Variants in GALNT1 observed in about 807,000 individuals in gnomAD.
The protein encoded by GALNT1 is polypeptide N-acetylgalactosaminyltransferase 1.
In GALNT1, 17 loss-of-function variants were observed where a neutral mutation model predicts 65.7. That is an observed-to-expected ratio of 0.26 (90% CI 0.18 to 0.39). The LOEUF is 0.39. GALNT1 is among the 10% of genes least tolerant of loss of function. The pLI, the probability that GALNT1 is intolerant of heterozygous loss-of-function variation, is 1.00. For missense variants in GALNT1, 460 were observed against 672.8 expected (o/e 0.68, Z 3.50); for synonymous variants, 210 against 219.7 (o/e 0.96, Z 0.39).
At chr18:35,607,986 AT>A (rs1178999606) in intron 1 of GALNT1, among the ~76,000 whole-genome samples, 1 of 152,108 alleles carries the variant, frequency 6.6e-6, no homozygotes, top group Non-Finnish European at 1.5e-5. Flanking sequence ...TTTGATATAA[AT>A]TTAGGGTAAC....
intron 5 of GALNT1, among the ~76,000 whole-genome samples, chr18:35,685,542 G>A (rs2047855026): frequency 6.6e-6 from 1 of 150,856 alleles, no homozygotes; most frequent in African/African-American, 2.4e-5. Flanking sequence ...AATGTTGGAA[G>A]CATTTTTTAA....
intron 1 of GALNT1, among the ~76,000 whole-genome samples, chr18:35,588,407 G>A (rs1362552684): frequency 1.1e-4 from 16 of 151,970 alleles, no homozygotes; most frequent in Admixed American, 8.5e-4. Context: ...GATACATTTC[G>A]GTGTGGATTC....
intron 9 of GALNT1, among the ~76,000 whole-genome samples, chr18:35,698,130 C>T (rs980582339): frequency 6.6e-6 from 1 of 152,164 alleles, no homozygotes; most frequent in Non-Finnish European, 1.5e-5. Context: ...TCCTATGTGT[C>T]AGCATCTAGA....
intron 9 of GALNT1, among the ~76,000 whole-genome samples, chr18:35,694,694 C>T (rs74425063): frequency 0.02 from 2,993 of 152,344 alleles, 104 homozygotes; most frequent in African/African-American, 0.067. Context: ...TCCGTTCATT[C>T]TGGCCCAGCT....
chr18:35,685,313 A>G (rs1333876929), intron 5 of GALNT1, among the ~76,000 whole-genome samples: 3 of 152,192 alleles, frequency 2.0e-5, no homozygotes, highest in Admixed American at 1.3e-4. Flanking sequence ...TTCGTTTAAT[A>G]CATCCCATTA....
chr18:35,622,800 G>C lies in GALNT1; in HGVS notation c.-103-31760G>C, dbSNP rs139018890. 7.3e-4 allele frequency among the ~76,000 whole-genome samples: 110 copies of C among 151,668 alleles called. 1 individual carries two copies. The East Asian group carries it at 0.016, about 22-fold the overall frequency. The stretch of plus-strand genomic sequence containing the variant: ...GAAGTAATAGAAGACATTTATCTTT[G>C]TCTTTTTCCCAACTTTAACAGTAAG... On this transcript the variant is annotated intron_variant, in intron 1 of 11. Transcript: ENST00000269195.
chr18:35,694,330 A>T (rs893211167), intron 9 of GALNT1, among the ~76,000 whole-genome samples: 4 of 152,212 alleles, frequency 2.6e-5, no homozygotes, highest in Non-Finnish European at 4.4e-5. Flanking sequence ...AACTGTGCTG[A>T]TATGAGCAAC....
At chr18:35,589,813 A>G (rs189695209) in intron 1 of GALNT1, among the ~76,000 whole-genome samples, 3 of 152,360 alleles carry the variant, frequency 2.0e-5, no homozygotes, top group Non-Finnish European at 2.9e-5. Flanking sequence ...TGTTTTCCTA[A>G]TATGTGTAAA....
chr18:35,695,948 A>G (rs550940488), intron 9 of GALNT1, among the ~76,000 whole-genome samples: 19 of 152,122 alleles, frequency 1.2e-4, no homozygotes, highest in African/African-American at 4.3e-4. Context: ...ATGCCTAGGC[A>G]TTGTTAGCTG....
At position 35,710,905 on chromosome 18, in the gene GALNT1, CTTCA is replaced by C. The variant is rs2048342678; in HGVS notation, c.*1138_*1141del. On this transcript the variant is annotated 3_prime_UTR_variant, in exon 12 of 12. Transcript: ENST00000269195. ...CTTTTTCACTCCATACTCAGATATG[CTTCA>C]TTGTCAAATGCATATTTAGATTAGA... 6.6e-6 allele frequency: 1 copy of C among 152,592 alleles called. No individual in the cohort carries two copies. Among genetic ancestry groups the C allele is most frequent in the Admixed American group, 6.5e-5 (1 of 15,282 alleles). 9.5% of individuals were successfully genotyped at this position (152,592 alleles called of 1,614,324 possible). A position where few individuals can be genotyped will look rare whatever the true frequency, so the allele number is the denominator to read the frequency against.
intron 3 of GALNT1, among the ~76,000 whole-genome samples, chr18:35,667,413 C>G (rs531867847): frequency 1.4e-4 from 21 of 152,080 alleles, no homozygotes; most frequent in African/African-American, 4.8e-4. Context: ...CAAAACATTT[C>G]TAAATATTTC....
chr18:35,619,983 C>G (rs796370000), intron 1 of GALNT1, among the ~76,000 whole-genome samples: 1 of 152,036 alleles, frequency 6.6e-6, no homozygotes, highest in African/African-American at 2.4e-5. Flanking sequence ...CTATTTTGAC[C>G]GATTTCCTTC....
chr18:35,630,239 A>G (rs1405978504), intron 1 of GALNT1, among the ~76,000 whole-genome samples: 2 of 152,170 alleles, frequency 1.3e-5, no homozygotes, highest in South Asian at 2.1e-4. Flanking sequence ...CCCCAAATCA[A>G]CAGAATATAC....
chr18:35,622,452 A>G (rs772064382), intron 1 of GALNT1, among the ~76,000 whole-genome samples: 86 of 152,008 alleles, frequency 5.7e-4, no homozygotes, highest in Non-Finnish European at 1.0e-3. Flanking sequence ...GGGTCTCCCT[A>G]TGTTGCTCAG....
chr18:35,674,370 G>A (rs902575270), intron 3 of GALNT1, among the ~76,000 whole-genome samples: 1 of 152,156 alleles, frequency 6.6e-6, no homozygotes, highest in African/African-American at 2.4e-5. Flanking sequence ...CATATATGTG[G>A]TCTGTTGTTG....
At chr18:35,670,311 AT>A (rs2047616093) in intron 3 of GALNT1, among the ~76,000 whole-genome samples, 1 of 152,186 alleles carries the variant, frequency 6.6e-6, no homozygotes, top group Non-Finnish European at 1.5e-5. Context: ...AAGAAAAAAA[AT>A]ATTCAGTAAG....
chr18:35,587,652 A>AT (rs1177905645), intron 1 of GALNT1, among the ~76,000 whole-genome samples: 2 of 152,128 alleles, frequency 1.3e-5, no homozygotes, highest in Non-Finnish European at 2.9e-5. Flanking sequence ...GTATTGATTT[A>AT]TTTTTTAAAT....
intron 11 of GALNT1, among the ~76,000 whole-genome samples, chr18:35,704,476 T>TTTTTGTAATTTTG (rs1229124272): frequency 5.3e-5 from 8 of 151,820 alleles, no homozygotes. Context: ...GCCTGGCTAA[T>TTTTTGTAATTTTG]TTTTGTAATT....
At chr18:35,638,499 T>C (rs2047121702) in intron 1 of GALNT1, among the ~76,000 whole-genome samples, 1 of 151,128 alleles carries the variant, frequency 6.6e-6, no homozygotes, top group Non-Finnish European at 1.5e-5. Flanking sequence ...AGTCCTGCAC[T>C]CAGATGATTA....
Sources: gnomAD v4.1 joint callset for allele counts (sites outside exome capture counted in the v4.1 genomes callset) on GRCh38, gnomAD v4.1.1 for gene constraint, MANE v1.5 for transcripts, NCBI Gene and HGNC (gene_info 2026-07-23, HGNC 2026-07-21) for gene names.